The following ST6GAL1 variants were observed in gnomAD, a reference collection of about 807,000 sequenced individuals.
ST6GAL1 encodes the protein beta-galactoside alpha-2,6-sialyltransferase 1.
A neutral mutation model predicts 38.0 loss-of-function variants in ST6GAL1; 20 were observed. That is an observed-to-expected ratio of 0.53 (90% confidence interval 0.37 to 0.77). The LOEUF (loss-of-function observed/expected upper bound fraction) is 0.77, where lower values mean the gene tolerates loss of function less well. Ranked by LOEUF, ST6GAL1 falls within the 30% of genes least tolerant of loss-of-function variation. The pLI is 0.00. For synonymous variants in ST6GAL1, 196 were observed against 188.2 expected, an observed-to-expected ratio of 1.04 and a Z score of -0.34; for missense variants, 432 against 496.4, an observed-to-expected ratio of 0.87 and a Z score of 1.23.
rs747419301 is a variant in ST6GAL1 at position 187,051,229 on chromosome 3, T to C, written c.608-20T>C. 1.9e-6 allele frequency: 3 copies of C among 1,611,460 alleles called. No individual in the cohort carries two copies. Among genetic ancestry groups the C allele is most frequent in the Non-Finnish European group, 2.5e-6 (3 of 1,177,664 alleles). ...TTGCCAGTGCTCATCACCTCTTTTC[T>C]GTTTCTTTGTGGTTTATAGATGATC... On this transcript the variant is annotated intron_variant, in intron 4 of 7. Transcript: ENST00000169298.
rs1287774061 is a variant in ST6GAL1, at chr3:187,077,670, C to G, written c.*1867C>G. On this transcript the variant is annotated 3_prime_UTR_variant, in exon 8 of 8. Coordinates refer to ENST00000169298, the MANE Select transcript of ST6GAL1 (RefSeq NM_173216.2). ...CTTTTGTGAGGATTACAGGAAAGCA[C>G]CTGTCCTGGCTCTGTACCTGGCACG... The G allele has an allele frequency of 6.6e-6, 1 of 152,322 alleles. No homozygotes were observed. Among genetic ancestry groups the G allele is most frequent in the Non-Finnish European group, 1.5e-5 (1 of 68,144 alleles). The allele number at this position is 152,322 out of a possible 1,614,324, so 9.4% of individuals were successfully genotyped here.
intron 2 of ST6GAL1, among the ~76,000 whole-genome samples, chr3:186,994,273 C>T (rs1716287179): frequency 6.6e-6 from 1 of 152,232 alleles, no homozygotes; most frequent in African/African-American, 2.4e-5. Flanking sequence ...TTCGAGTTCT[C>T]TCAGTCTCTG....
chr3:187,077,842 G>GACA lies in ST6GAL1; in HGVS notation c.*2045_*2047dup, dbSNP rs1579392544. 1 of 152,412 alleles carries GACA rather than the reference G, an allele frequency of 6.6e-6. No individual in the cohort carries two copies. The highest frequency in any genetic ancestry group is 2.1e-4 in the South Asian group (1 of 4,834). 9.4% of individuals were successfully genotyped at this position (152,412 alleles called of 1,614,324 possible). A position where few individuals can be genotyped will look rare whatever the true frequency, so the allele number is the denominator to read the frequency against. On this transcript the variant is annotated 3_prime_UTR_variant, in exon 8 of 8. Transcript: ENST00000169298. ...CAGGGAATTAACTGTCTTATTGGGA[G>GACA]ACAACAACTGTCCTCCTTGGAACAC...
intron 2 of ST6GAL1, among the ~76,000 whole-genome samples, chr3:186,993,556 TTTTATTTATTTATTTATTTATTTA>T (rs71167027): frequency 2.3e-5 from 2 of 88,166 alleles, no homozygotes; most frequent in African/African-American, 6.9e-5. Flanking sequence ...CTTGACAGAG[TTTTATTTATTTATTTATTTATTTA>T]TTTATTTATT....
chr3:186,943,549 A>T (rs906440652), intron 1 of ST6GAL1, among the ~76,000 whole-genome samples: 3 of 152,116 alleles, frequency 2.0e-5, no homozygotes, highest in African/African-American at 4.8e-5. Context: ...TCCCGGGTTC[A>T]AGCCATTCCC....
chr3:187,034,521 A>G (rs966643735), intron 2 of ST6GAL1, among the ~76,000 whole-genome samples: 3 of 152,196 alleles, frequency 2.0e-5, no homozygotes, highest in Non-Finnish European at 4.4e-5. Context: ...ACACTAGCAT[A>G]CCGAATCCAG....
At chr3:187,032,057 G>A (rs1317612301) in intron 2 of ST6GAL1, among the ~76,000 whole-genome samples, 2 of 152,208 alleles carry the variant, frequency 1.3e-5, no homozygotes, top group South Asian at 2.1e-4. Flanking sequence ...TCTACAGCTG[G>A]TTGAAGATCA....
At chr3:187,036,074 C>G (rs981966349) in intron 2 of ST6GAL1, among the ~76,000 whole-genome samples, 1 of 152,070 alleles carries the variant, frequency 6.6e-6, no homozygotes. Context: ...AAACAAATAA[C>G]AACATTAAAA....
At chr3:187,052,271 T>C (rs976364244) in intron 5 of ST6GAL1, among the ~76,000 whole-genome samples, 1 of 152,280 alleles carries the variant, frequency 6.6e-6, no homozygotes, top group South Asian at 2.1e-4. Context: ...TAGCCCACTT[T>C]CTATTTGAAG....
intron 2 of ST6GAL1, among the ~76,000 whole-genome samples, chr3:186,969,007 A>G (rs1380666702): frequency 4.0e-5 from 6 of 150,488 alleles, no homozygotes; most frequent in Admixed American, 6.6e-5. Context: ...AACACTTGGT[A>G]TGATCTATCT....
intron 2 of ST6GAL1, among the ~76,000 whole-genome samples, chr3:187,030,416 C>T (rs74820792): frequency 0.015 from 2,292 of 152,214 alleles, 69 homozygotes; most frequent in African/African-American, 0.052. Context: ...GCTTAAAACA[C>T]TGGGTTTATA....
intron 2 of ST6GAL1, among the ~76,000 whole-genome samples, chr3:187,016,696 A>G (rs922580202): frequency 3.9e-5 from 6 of 152,240 alleles, no homozygotes; most frequent in African/African-American, 1.4e-4. Flanking sequence ...AGGAGGAAGC[A>G]AATGTGAAAA....
chr3:186,968,677 T>G (rs1231750566), intron 2 of ST6GAL1, among the ~76,000 whole-genome samples: 1 of 152,228 alleles, frequency 6.6e-6, no homozygotes, highest in Non-Finnish European at 1.5e-5. Flanking sequence ...TTGCTGTTCA[T>G]CAATGTTGTG....
At chr3:186,965,689 C>T (rs541066204) in intron 2 of ST6GAL1, among the ~76,000 whole-genome samples, 10 of 152,222 alleles carry the variant, frequency 6.6e-5, no homozygotes, top group African/African-American at 2.2e-4. Flanking sequence ...GAGGATGGAG[C>T]ACTGCTCAGG....
At chr3:186,941,228 G>A (rs904559155) in intron 1 of ST6GAL1, among the ~76,000 whole-genome samples, 3 of 152,200 alleles carry the variant, frequency 2.0e-5, no homozygotes, top group Non-Finnish European at 1.5e-5. Context: ...CCTCGTGGGA[G>A]AACTGGCACT....
chr3:186,935,343 C>CT (rs1193086861), intron 1 of ST6GAL1, among the ~76,000 whole-genome samples: 1 of 151,650 alleles, frequency 6.6e-6, no homozygotes, highest in Admixed American at 6.6e-5. Context: ...TGATCTCATT[C>CT]TTTTTTATGG....
Position 187,043,213 on chromosome 3 carries a change from C to A in ST6GAL1, c.510C>A (p.Pro170=). 6.2e-7 allele frequency: 1 copy of A among 1,614,174 alleles called. No individual in the cohort carries two copies. The change falls in exon 4 of 8, where the codon CCC becomes CCA. Residue 170 remains proline, a synonymous_variant. Coordinates refer to ENST00000169298, the MANE Select transcript of ST6GAL1 (RefSeq NM_173216.2). ...FNTSEWEGYL[P]KESIRTKAGP... ...CCTCTGAATGGGAGGGTTATCTGCC[C>A]AAGGAGAGCATTAGGACCAAGGCTG...
chr3:187,016,150 T>C lies in ST6GAL1; in HGVS notation c.-182-22592T>C, dbSNP rs545275514. Among the ~76,000 whole-genome samples, 8 of 152,274 alleles carry C rather than the reference T, an allele frequency of 5.3e-5. No individual in the cohort carries two copies. In the South Asian group the frequency reaches 1.7e-3, roughly 32 times the overall value. Reference sequence around the variant, plus strand: ...GCAGACCCAGCAGGTGCTTCATGCTTGTTGATGATTTCAGTTCCTGTCTAA... The same window carrying C: ...GCAGACCCAGCAGGTGCTTCATGCTCGTTGATGATTTCAGTTCCTGTCTAA... On this transcript the variant is annotated intron_variant, in intron 2 of 7. Coordinates refer to ENST00000169298, the MANE Select transcript of ST6GAL1 (RefSeq NM_173216.2).
At chr3:187,050,699 C>T (rs961568686) in intron 4 of ST6GAL1, among the ~76,000 whole-genome samples, 2 of 152,068 alleles carry the variant, frequency 1.3e-5, no homozygotes, top group Non-Finnish European at 2.9e-5. Context: ...GTGACTCTTC[C>T]CTGGGCCTCA....
Sources: gnomAD v4.1 joint callset for allele counts (sites outside exome capture counted in the v4.1 genomes callset) on GRCh38, gnomAD v4.1.1 for gene constraint, MANE v1.5 for transcripts, NCBI Gene and HGNC (gene_info 2026-07-23, HGNC 2026-07-21) for gene names.